TMEM248: variants seen among roughly 807,000 people sequenced by gnomAD.
TMEM248 encodes transmembrane protein 248, also known as UPF0458 protein C7orf42.
Under a neutral mutation model 30.3 loss-of-function variants are expected in TMEM248, and 9 were observed. That is an observed-to-expected ratio of 0.30 (90% CI 0.18 to 0.52). The LOEUF (loss-of-function observed/expected upper bound fraction) is 0.52, where lower values mean the gene tolerates loss of function less well. Among genes scored for constraint, TMEM248 ranks in the 20% least tolerant of loss-of-function variants. TMEM248 has a pLI of 0.97. For synonymous variants in TMEM248, 184 were observed against 154.4 expected (o/e 1.19, Z -1.42); for missense variants, 338 against 403.3 (o/e 0.84, Z 1.39).
At chr7:66,945,309 AC>A (rs1324224850) in intron 3 of TMEM248, 48 bp downstream of exon 3, 1 of 1,580,410 alleles carries the variant, frequency 6.3e-7, no homozygotes, top group African/African-American at 1.3e-5. Context: ...AACCACTGTT[AC>A]AAAAAGAGGA....
intron 2 of TMEM248, 64 bp downstream of exon 2, chr7:66,942,088 G>A: frequency 2.6e-6 from 4 of 1,533,230 alleles, no homozygotes; most frequent in Non-Finnish European, 3.5e-6. Flanking sequence ...ACACCCTGTG[G>A]CTTGCCATAT....
intron 4 of TMEM248, among the ~76,000 whole-genome samples, chr7:66,949,287 G>A (rs1310473343): frequency 6.6e-6 from 1 of 152,096 alleles, no homozygotes; most frequent in African/African-American, 2.4e-5. Flanking sequence ...AGGAGTTCAA[G>A]ACCAGCCTGG....
intron 3 of TMEM248, 94 bp downstream of exon 3, chr7:66,945,355 T>A: frequency 7.4e-7 from 1 of 1,347,960 alleles, no homozygotes; most frequent in Non-Finnish European, 1.0e-6. Flanking sequence ...TATATTGTAC[T>A]AGATTGTAGT....
At chr7:66,941,745 C>T in intron 1 of TMEM248, 103 bp from the exon 2 acceptor site, 1 of 886,164 alleles carries the variant, frequency 1.1e-6, no homozygotes, top group Non-Finnish European at 1.7e-6. Context: ...AATGAGTGCC[C>T]ATCCCACCCA....
At chr7:66,951,561 G>A (rs531727076) in intron 5 of TMEM248, among the ~76,000 whole-genome samples, 3 of 151,694 alleles carry the variant, frequency 2.0e-5, no homozygotes, top group African/African-American at 7.3e-5. Flanking sequence ...ATGAATCTTC[G>A]GCTAGAGAGT....
intron 1 of TMEM248, among the ~76,000 whole-genome samples, chr7:66,941,561 AACAC>A (rs72442084): frequency 0.034 from 4,862 of 142,716 alleles, 111 homozygotes; most frequent in Non-Finnish European, 0.049. Context: ...TGTTTCTTAA[AACAC>A]ACACACACAC....
chr7:66,935,878 A>C (rs1791789420), intron 1 of TMEM248, among the ~76,000 whole-genome samples: 1 of 152,132 alleles, frequency 6.6e-6, no homozygotes, highest in African/African-American at 2.4e-5. Context: ...CTCTATTGGC[A>C]CGTAGAAATG....
intron 1 of TMEM248, among the ~76,000 whole-genome samples, chr7:66,925,675 AT>A (rs1056895441): frequency 2.7e-5 from 4 of 146,494 alleles, no homozygotes; most frequent in African/African-American, 1.0e-4. Flanking sequence ...TCATGAAATA[AT>A]TCTATTTGTA....
chr7:66,929,474 G>A lies in TMEM248; in HGVS notation c.-19+8013G>A, dbSNP rs554320552. On this transcript the variant is annotated intron_variant, in intron 1 of 6. Transcript: ENST00000341567. ...TTTTTTGATACAGACTCTTGCTCTCGTGCCCAGGCTGGAGTTCAGTGGCTT... is the reference window on the plus strand; with the variant it reads ...TTTTTTGATACAGACTCTTGCTCTCATGCCCAGGCTGGAGTTCAGTGGCTT... Among the ~76,000 whole-genome samples, 16 of 115,252 alleles carry A rather than the reference G, an allele frequency of 1.4e-4. 1 individual carries two copies. Among genetic ancestry groups the A allele is most frequent in the South Asian group, 1.1e-3 (4 of 3,696 alleles). The allele number at this position is 115,252 out of a possible 152,430, so 75.6% of individuals were successfully genotyped here. A position where few individuals can be genotyped will look rare whatever the true frequency, so the allele number is the denominator to read the frequency against.
In TMEM248 at chr7:66,941,880, C is replaced by T. The variant is rs769247167; in HGVS notation, c.15C>T (p.Asn5=). ...TGATCAGAATAATGTTCAGCATCAA[C>T]CCCCTGGAGAACCTGAAGGTGTACA... MFSI[N]PLENLKVYIS... Residue 5 remains asparagine (N), a synonymous_variant, in exon 2 of 7, where the codon AAC becomes AAT. Transcript: ENST00000341567. The T allele has an allele frequency of 4.3e-6, 7 of 1,613,700 alleles. No individual in the cohort carries two copies. The highest frequency in any genetic ancestry group is 4.0e-5 in the African/African-American group (3 of 74,898).
At chr7:66,948,493 T>G in intron 3 of TMEM248, 51 bp from the exon 4 acceptor site, 1 of 1,574,762 alleles carries the variant, frequency 6.4e-7, no homozygotes, top group South Asian at 1.2e-5. Flanking sequence ...TCCCAGAGAA[T>G]GACAAGTACG....
intron 1 of TMEM248, among the ~76,000 whole-genome samples, chr7:66,936,229 C>T (rs990608549): frequency 6.6e-6 from 1 of 152,118 alleles, no homozygotes; most frequent in African/African-American, 2.4e-5. Flanking sequence ...AGGTATGATC[C>T]TTCTAAGCCC....
intron 3 of TMEM248, among the ~76,000 whole-genome samples, chr7:66,947,766 A>T (rs566719820): frequency 6.6e-6 from 1 of 151,320 alleles, no homozygotes; most frequent in African/African-American, 2.4e-5. Flanking sequence ...TTTATTTAAA[A>T]TTTTATTTTA....
intron 4 of TMEM248, among the ~76,000 whole-genome samples, chr7:66,950,250 C>T (rs1184067014): frequency 6.6e-6 from 1 of 151,782 alleles, no homozygotes. Context: ...GTTTGGCTGT[C>T]TCCCCACCCA....
intron 1 of TMEM248, among the ~76,000 whole-genome samples, chr7:66,930,092 C>T (rs1791626854): frequency 1.3e-5 from 2 of 152,082 alleles, no homozygotes; most frequent in Non-Finnish European, 2.9e-5. Context: ...CCCAGGAAGT[C>T]AAGGCGGCTG....
chr7:66,925,751 C>T (rs1221127060), intron 1 of TMEM248, among the ~76,000 whole-genome samples: 5 of 149,840 alleles, frequency 3.3e-5, no homozygotes, highest in African/African-American at 1.2e-4. Flanking sequence ...AAGCGATTCT[C>T]CTGCCTCAGC....
intron 5 of TMEM248, among the ~76,000 whole-genome samples, chr7:66,952,767 G>A (rs1470899436): frequency 6.6e-6 from 1 of 152,232 alleles, no homozygotes; most frequent in Non-Finnish European, 1.5e-5. Context: ...CGTGACCCCT[G>A]GGGAGGGGTG....
Position 66,935,500 on chromosome 7 carries a change from T to C in TMEM248, c.-18-6348T>C, listed in dbSNP as rs540570630. On this transcript the variant is annotated intron_variant, in intron 1 of 6. Transcript: ENST00000341567. ...GTCTGGCCCCATTTACTTTAAATCA[T>C]CTCTAGATTACAGTACCTAATGCAA... Among the ~76,000 whole-genome samples the C allele has an allele frequency of 5.9e-5, 9 of 151,918 alleles. 1 individual carries two copies. Among genetic ancestry groups the C allele is most frequent in the Non-Finnish European group, 8.8e-5 (6 of 67,954 alleles).
chr7:66,953,725 C>T (rs1259572281), intron 6 of TMEM248, among the ~76,000 whole-genome samples: 1 of 151,882 alleles, frequency 6.6e-6, no homozygotes, highest in Non-Finnish European at 1.5e-5. Context: ...CCACCTCAGC[C>T]TCCCGAGGAG....
Sources: gnomAD v4.1 joint callset for allele counts (sites outside exome capture counted in the v4.1 genomes callset) on GRCh38, gnomAD v4.1.1 for gene constraint, MANE v1.5 for transcripts, NCBI Gene and HGNC (gene_info 2026-07-23, HGNC 2026-07-21) for gene names.